Variants in INTS9 observed in about 807,000 individuals in gnomAD.
INTS9 encodes integrator complex subunit 9, also known as protein related to CPSF subunits of 74 kDa.
INTS9 carries 55 observed loss-of-function variants against 79.7 expected under a neutral mutation model. The observed-to-expected ratio is 0.69, with a 90% CI of 0.56 to 0.86. INTS9 has a LOEUF of 0.86. Ranked by LOEUF, INTS9 falls within the 40% of genes least tolerant of loss-of-function variation. The pLI, the probability that INTS9 is intolerant of heterozygous loss-of-function variation, is 0.00. For missense variants in INTS9, 721 were observed against 831.5 expected (o/e 0.87, Z 1.64); for synonymous variants, 319 against 325.2 (o/e 0.98, Z 0.20).
intron 12 of INTS9, among the ~76,000 whole-genome samples, chr8:28,778,535 G>T (rs561595571): frequency 6.6e-6 from 1 of 152,166 alleles, no homozygotes; most frequent in African/African-American, 2.4e-5. Context: ...CTCCAGGCCC[G>T]TGAATGGTCT....
intron 6 of INTS9, among the ~76,000 whole-genome samples, chr8:28,834,632 G>A (rs1469950382): frequency 6.6e-6 from 1 of 150,576 alleles, no homozygotes; most frequent in Non-Finnish European, 1.5e-5. Context: ...CCTAAGCAGA[G>A]TTCTTCAGTT....
At chr8:28,828,443 C>T (rs984978834) in intron 6 of INTS9, among the ~76,000 whole-genome samples, 8 of 152,226 alleles carry the variant, frequency 5.3e-5, no homozygotes, top group Non-Finnish European at 1.2e-4. Context: ...AATCATACCA[C>T]TCATTTAGTC....
At chr8:28,847,804 G>A (rs1470459404) in intron 3 of INTS9, among the ~76,000 whole-genome samples, 2 of 152,176 alleles carry the variant, frequency 1.3e-5, no homozygotes, top group Non-Finnish European at 2.9e-5. Flanking sequence ...GACAGATAAT[G>A]GCACTGAGCC....
intron 11 of INTS9, among the ~76,000 whole-genome samples, chr8:28,784,877 A>G (rs1046939062): frequency 6.6e-6 from 1 of 152,252 alleles, no homozygotes; most frequent in Non-Finnish European, 1.5e-5. Context: ...TGCTCCTAAT[A>G]GCAAACAAAC....
At chr8:28,801,587 A>G (rs547177588) in intron 8 of INTS9, among the ~76,000 whole-genome samples, 2 of 152,264 alleles carry the variant, frequency 1.3e-5, no homozygotes, top group African/African-American at 4.8e-5. Context: ...GATTTAAGAA[A>G]CTACATTACT....
chr8:28,850,110 A>C, intron 3 of INTS9, 103 bp downstream of exon 3: 1 of 827,008 alleles, frequency 1.2e-6, no homozygotes, highest in Non-Finnish European at 1.9e-6. Context: ...GAGAGGAAAA[A>C]AAAAAAAAGC....
At chr8:28,813,710 AT>A in intron 6 of INTS9, 98 bp from the exon 7 acceptor site, 1 of 1,278,086 alleles carries the variant, frequency 7.8e-7, no homozygotes, top group Non-Finnish European at 1.1e-6. Context: ...AAATGGTTTA[AT>A]TTACTGGCAT....
intron 1 of INTS9, among the ~76,000 whole-genome samples, chr8:28,874,201 AAAAT>A (rs1809246329): frequency 6.6e-6 from 1 of 152,136 alleles, no homozygotes; most frequent in Non-Finnish European, 1.5e-5. Flanking sequence ...TTAATTGTGT[AAAAT>A]AAAGCTCTTT....
intron 1 of INTS9, among the ~76,000 whole-genome samples, chr8:28,869,650 G>A (rs73554859): frequency 0.023 from 3,429 of 152,254 alleles, 132 homozygotes; most frequent in African/African-American, 0.078. Context: ...ATACATTTCA[G>A]TTTTATTTGG....
intron 1 of INTS9, among the ~76,000 whole-genome samples, chr8:28,885,951 A>G (rs1032402244): frequency 1.3e-5 from 2 of 152,248 alleles, no homozygotes; most frequent in Admixed American, 1.3e-4. Context: ...TGAATATTGC[A>G]TATTATAAAT....
chr8:28,840,335 C>CAG (rs1554505264), intron 4 of INTS9, among the ~76,000 whole-genome samples: 15 of 149,056 alleles, frequency 1.0e-4, no homozygotes, highest in Non-Finnish European at 1.3e-4. Flanking sequence ...CACTTTTACA[C>CAG]TGTTGGTGGG....
intron 11 of INTS9, chr8:28,783,995 A>C (rs1251114138): frequency 6.6e-6 from 1 of 152,208 alleles, no homozygotes; most frequent in African/African-American, 2.4e-5. Flanking sequence ...AGATAAATTC[A>C]TCGTTTTTTG....
rs931625681 is a variant in INTS9 at position 28,780,944 on chromosome 8, G to A, written c.1149C>T (p.Phe383=). ...CACAGGGCTGTCTAAAGTCGTTGCTGAAGTCTCCGTGGATGCTGGGGTAGT... is the reference window on the plus strand; with the variant it reads ...CACAGGGCTGTCTAAAGTCGTTGCTAAAGTCTCCGTGGATGCTGGGGTAGT... ...LKHYPSIHGD[F]SNDFRQPCVV... is the part of the protein sequence containing the mutation. The change falls in exon 12 of 17, where the codon TTC becomes TTT. Residue 383 remains phenylalanine (F), a synonymous_variant. Coordinates refer to ENST00000521022, the MANE Select transcript of INTS9 (RefSeq NM_018250.4). 3 of 1,614,158 alleles carry A rather than the reference G, an allele frequency of 1.9e-6. No homozygotes were observed. The highest frequency in any genetic ancestry group is 3.3e-4 in the Middle Eastern group (2 of 6,036).
intron 6 of INTS9, among the ~76,000 whole-genome samples, chr8:28,821,984 C>G (rs758870024): frequency 6.6e-6 from 1 of 152,116 alleles, no homozygotes; most frequent in Non-Finnish European, 1.5e-5. Flanking sequence ...CCATGCCGGT[C>G]TCAAACTCCT....
intron 9 of INTS9, 65 bp from the exon 10 acceptor site, chr8:28,794,052 C>T: frequency 1.7e-6 from 2 of 1,186,766 alleles, no homozygotes; most frequent in South Asian, 4.3e-5. Context: ...TAAAGATAAA[C>T]TTGTAAAATA....
intron 9 of INTS9, among the ~76,000 whole-genome samples, chr8:28,795,427 G>C (rs1804150946): frequency 6.6e-6 from 1 of 152,038 alleles, no homozygotes. Context: ...GGATCATGAG[G>C]TCAGGAGTTC....
At chr8:28,785,526 T>G (rs1272348887) in intron 11 of INTS9, among the ~76,000 whole-genome samples, 1 of 152,218 alleles carries the variant, frequency 6.6e-6, no homozygotes, top group Non-Finnish European at 1.5e-5. Context: ...GCATTATTTA[T>G]TTTGATGTTC....
chr8:28,884,355 T>C (rs1425472012), intron 1 of INTS9, among the ~76,000 whole-genome samples: 5 of 151,808 alleles, frequency 3.3e-5, no homozygotes, highest in Admixed American at 1.3e-4. Context: ...AGCTAATTTT[T>C]AGTTTTTTTT....
chr8:28,770,272 A>G (rs1802454930), intron 15 of INTS9, among the ~76,000 whole-genome samples: 1 of 152,224 alleles, frequency 6.6e-6, no homozygotes, highest in Admixed American at 6.5e-5. Flanking sequence ...ATCAAGATCC[A>G]TTTTTAAATT....
Sources: gnomAD v4.1 joint callset for allele counts (sites outside exome capture counted in the v4.1 genomes callset) on GRCh38, gnomAD v4.1.1 for gene constraint, MANE v1.5 for transcripts, NCBI Gene and HGNC (gene_info 2026-07-23, HGNC 2026-07-21) for gene names.